The following LEF1 variants were observed in gnomAD, a reference collection of about 807,000 sequenced individuals.
LEF1 encodes the protein lymphoid enhancer-binding factor 1.
LEF1 carries 14 observed loss-of-function variants against 51.2 expected under a neutral mutation model. The observed-to-expected ratio is 0.27, with a 90% CI of 0.18 to 0.43. The LOEUF (loss-of-function observed/expected upper bound fraction) is 0.43, where lower values mean the gene tolerates loss of function less well. LEF1 is among the 20% of genes least tolerant of loss of function. The pLI is 1.00. For missense variants in LEF1, 386 were observed against 512.0 expected, an observed-to-expected ratio of 0.75 and a Z score of 2.37; for synonymous variants, 185 against 183.2, an observed-to-expected ratio of 1.01 and a Z score of -0.08.
At chr4:108,068,066 G>C (rs6851584) in intron 9 of LEF1, among the ~76,000 whole-genome samples, 1 of 151,328 alleles carries the variant, frequency 6.6e-6, no homozygotes, top group African/African-American at 2.4e-5. Flanking sequence ...TCAGGAGTTC[G>C]AGACCAGCCT....
Position 108,163,424 on chromosome 4 carries a change from T to C in LEF1, c.414+144A>G, listed in dbSNP as rs1745185281. The C allele has an allele frequency of 6.1e-6, 5 of 818,388 alleles. No homozygotes were observed. The East Asian group carries it at 7.8e-5, about 13-fold the overall frequency. The allele number at this position is 818,388 out of a possible 1,614,324, so 50.7% of individuals were successfully genotyped here. A position where few individuals can be genotyped will look rare whatever the true frequency, so the allele number is the denominator to read the frequency against. Reference sequence around the variant, plus strand: ...AGGTAGCACTGTTTTAAGGTGGCCATTCCTCATAACAGCTCTTATTTAGCA... The same window carrying C: ...AGGTAGCACTGTTTTAAGGTGGCCACTCCTCATAACAGCTCTTATTTAGCA... On this transcript the variant is annotated intron_variant, in intron 3 of 11. Coordinates refer to ENST00000265165, the MANE Select transcript of LEF1 (RefSeq NM_016269.5).
intron 3 of LEF1, among the ~76,000 whole-genome samples, chr4:108,154,608 T>A (rs1390348432): frequency 6.6e-6 from 1 of 152,172 alleles, no homozygotes; most frequent in African/African-American, 2.4e-5. Flanking sequence ...GACAGCTGAC[T>A]GGTCAGCCCA....
intron 11 of LEF1, among the ~76,000 whole-genome samples, chr4:108,050,030 G>A (rs1377803233): frequency 6.6e-6 from 1 of 152,180 alleles, no homozygotes; most frequent in African/African-American, 2.4e-5. Flanking sequence ...TTCCAATTAT[G>A]CCCAATGCGG....
At chr4:108,128,660 A>G (rs1578376445) in intron 3 of LEF1, among the ~76,000 whole-genome samples, 1 of 152,330 alleles carries the variant, frequency 6.6e-6, no homozygotes, top group South Asian at 2.1e-4. Context: ...AAACAAATAC[A>G]TAAAGATACA....
chr4:108,132,666 T>G (rs1742973831), intron 3 of LEF1, among the ~76,000 whole-genome samples: 2 of 114,528 alleles, frequency 1.7e-5, no homozygotes, highest in Admixed American at 1.9e-4. Context: ...TGCCTTTTTT[T>G]TTTTTTTTTT....
intron 11 of LEF1, among the ~76,000 whole-genome samples, chr4:108,053,532 C>T (rs915165388): frequency 2.0e-5 from 3 of 152,178 alleles, no homozygotes; most frequent in African/African-American, 7.2e-5. Flanking sequence ...TCTCCTGTGG[C>T]TATTCAGAGT....
chr4:108,065,252 C>T (rs568039156), intron 9 of LEF1, among the ~76,000 whole-genome samples: 89 of 152,226 alleles, frequency 5.8e-4, no homozygotes, highest in African/African-American at 1.9e-3. Flanking sequence ...TTCAGGAAGC[C>T]GAGGTGAGCA....
At chr4:108,149,889 G>A (rs1744260685) in intron 3 of LEF1, among the ~76,000 whole-genome samples, 1 of 151,200 alleles carries the variant, frequency 6.6e-6, no homozygotes, top group African/African-American at 2.4e-5. Flanking sequence ...CAGAAATATA[G>A]GTACTTTTTA....
At chr4:108,111,486 C>CAA (rs1338686762) in intron 3 of LEF1, among the ~76,000 whole-genome samples, 1 of 152,096 alleles carries the variant, frequency 6.6e-6, no homozygotes, top group African/African-American at 2.4e-5. Context: ...GAGATGCCTG[C>CAA]AAAAAGTGAT....
chr4:108,074,280 T>C (rs1578309548), intron 8 of LEF1, among the ~76,000 whole-genome samples: 1 of 152,172 alleles, frequency 6.6e-6, no homozygotes, highest in Non-Finnish European at 1.5e-5. Flanking sequence ...TCAAATCTCA[T>C]TGTCAAGATT....
At chr4:108,115,793 A>G (rs1210718286) in intron 3 of LEF1, among the ~76,000 whole-genome samples, 1 of 151,958 alleles carries the variant, frequency 6.6e-6, no homozygotes, top group Non-Finnish European at 1.5e-5. Context: ...CATTTTACCA[A>G]TAAGGAAACT....
At chr4:108,106,718 T>C (rs1414039494) in intron 3 of LEF1, among the ~76,000 whole-genome samples, 3 of 152,166 alleles carry the variant, frequency 2.0e-5, no homozygotes, top group Non-Finnish European at 4.4e-5. Flanking sequence ...CTACCTATCC[T>C]GGATGAGTTG....
intron 3 of LEF1, among the ~76,000 whole-genome samples, chr4:108,151,487 GC>G: frequency 6.6e-6 from 1 of 152,100 alleles, no homozygotes; most frequent in Non-Finnish European, 1.5e-5. Context: ...GAAGACTTGA[GC>G]CTCAATCTGG....
intron 3 of LEF1, among the ~76,000 whole-genome samples, chr4:108,101,800 C>A (rs1345827078): frequency 6.6e-6 from 1 of 152,092 alleles, no homozygotes; most frequent in Non-Finnish European, 1.5e-5. Flanking sequence ...GTCAGGAAAG[C>A]AAAAGAAAGA....
chr4:108,146,719 C>A (rs1280655634), intron 3 of LEF1, among the ~76,000 whole-genome samples: 1 of 152,148 alleles, frequency 6.6e-6, no homozygotes, highest in East Asian at 1.9e-4. Flanking sequence ...AAAACTCCGA[C>A]AAGTTTTTTG....
rs766919480 is a variant in LEF1, at chr4:108,049,270, G to A, written c.*7-519C>T. On this transcript the variant is annotated intron_variant, in intron 11 of 11. Coordinates refer to ENST00000265165, the MANE Select transcript of LEF1 (RefSeq NM_016269.5). ...ACTCACAGCCCAGAGGATACAAACC[G>A]CTCCCTTTTTCCTTAAGATCTTACA... is the stretch of plus-strand genomic sequence containing the variant. Among the ~76,000 whole-genome samples the A allele has an allele frequency of 3.9e-5, 6 of 152,070 alleles. No individual in the cohort carries two copies. The East Asian group carries it at 1.2e-3, about 29-fold the overall frequency.
At chr4:108,056,056 C>T (rs1174086012) in intron 11 of LEF1, among the ~76,000 whole-genome samples, 1 of 152,210 alleles carries the variant, frequency 6.6e-6, no homozygotes, top group Non-Finnish European at 1.5e-5. Context: ...TCCTGACAGC[C>T]ATTTTGTACA....
At chr4:108,051,494 A>G (rs1384440361) in intron 11 of LEF1, among the ~76,000 whole-genome samples, 1 of 152,200 alleles carries the variant, frequency 6.6e-6, no homozygotes, top group Non-Finnish European at 1.5e-5. Flanking sequence ...CTAAGGCTTC[A>G]CTGGGGGGCT....
intron 3 of LEF1, among the ~76,000 whole-genome samples, chr4:108,152,501 T>A (rs78062294): frequency 0.041 from 6,165 of 152,138 alleles, 407 homozygotes; most frequent in African/African-American, 0.14. Flanking sequence ...TGGTCTCAAT[T>A]AGGGCCCAAT....
Sources: gnomAD v4.1 joint callset for allele counts (sites outside exome capture counted in the v4.1 genomes callset) on GRCh38, gnomAD v4.1.1 for gene constraint, MANE v1.5 for transcripts, NCBI Gene and HGNC (gene_info 2026-07-23, HGNC 2026-07-21) for gene names.